The following TENM2 variants were observed in gnomAD, a reference collection of about 807,000 sequenced individuals.
The protein encoded by TENM2 is teneurin-2.
Under a neutral mutation model 245.2 loss-of-function variants are expected in TENM2, and 52 were observed. The ratio of observed to expected loss-of-function variants is 0.21; its 90% CI spans 0.17 to 0.27. The LOEUF (loss-of-function observed/expected upper bound fraction) is 0.27, where lower values mean the gene tolerates loss of function less well. TENM2 is among the 10% of genes least tolerant of loss of function. The probability of loss-of-function intolerance (pLI) is 1.00; values close to 1 mark genes in which losing one functional copy is unlikely to be tolerated. For synonymous variants in TENM2, 1,363 were observed against 1,438.9 expected (o/e 0.95, Z 1.19); for missense variants, 3,046 against 3,666.8 (o/e 0.83, Z 4.37).
intron 2 of TENM2, among the ~76,000 whole-genome samples, chr5:167,431,944 T>C (rs1582028264): frequency 3.2e-5 from 3 of 92,956 alleles, no homozygotes; most frequent in Admixed American, 1.3e-4. Context: ...TATATACATA[T>C]ATATGTATAT....
At chr5:167,369,269 G>T (rs1581861355) in intron 1 of TENM2, among the ~76,000 whole-genome samples, 3 of 152,124 alleles carry the variant, frequency 2.0e-5, no homozygotes, top group Non-Finnish European at 4.4e-5. Context: ...ATGTCCAGGG[G>T]TTTTAGCTGT....
chr5:167,321,801 TGGGGGG>T (rs1343498230), intron 1 of TENM2, among the ~76,000 whole-genome samples: 1 of 7,282 alleles, frequency 1.4e-4, no homozygotes, highest in African/African-American at 5.2e-4. Context: ...TTTTTTTTTT[TGGGGGG>T]GGGGGCGGGG....
chr5:167,912,539 A>G (rs1776629582), intron 3 of TENM2, among the ~76,000 whole-genome samples: 1 of 152,166 alleles, frequency 6.6e-6, no homozygotes, highest in South Asian at 2.1e-4. Context: ...TCAATTATAC[A>G]ACGGGAGTGG....
intron 2 of TENM2, among the ~76,000 whole-genome samples, chr5:167,769,096 T>A (rs901597497): frequency 6.6e-6 from 1 of 152,252 alleles, no homozygotes; most frequent in Non-Finnish European, 1.5e-5. Flanking sequence ...CACCTCTTAA[T>A]GCTCTCAGTT....
At position 167,463,454 on chromosome 5, in the gene TENM2, A is replaced by G. The variant is rs907411399; in HGVS notation, c.502+87981A>G. On this transcript the variant is annotated intron_variant, in intron 2 of 28. Transcript: ENST00000518659. ...AAAAACAAGTTATGTCTTTTCAGCA[A>G]TTATGTGTATGTGAGTATTTTTTGA... Among the ~76,000 whole-genome samples the G allele has an allele frequency of 3.9e-5, 6 of 152,158 alleles. 1 individual carries two copies. Among genetic ancestry groups the G allele is most frequent in the Admixed American group, 2.6e-4 (4 of 15,276 alleles).
the TENM2 span, among the ~76,000 whole-genome samples, chr5:167,106,505 G>A: frequency 6.6e-6 from 1 of 152,226 alleles, no homozygotes; most frequent in Non-Finnish European, 1.5e-5. Context: ...CTAAAAAGGT[G>A]ATTTGGAATC....
intron 12 of TENM2, among the ~76,000 whole-genome samples, chr5:168,151,580 TAAGG>T (rs1756660143): frequency 6.6e-6 from 1 of 152,210 alleles, no homozygotes; most frequent in Non-Finnish European, 1.5e-5. Context: ...ATGGAGAAAC[TAAGG>T]AATTGAAGAG....
At chr5:167,792,445 C>T (rs940904692) in intron 2 of TENM2, among the ~76,000 whole-genome samples, 2 of 151,922 alleles carry the variant, frequency 1.3e-5, no homozygotes, top group Non-Finnish European at 2.9e-5. Flanking sequence ...AGCACAGGTG[C>T]GGAAAGATAT....
At chr5:167,471,128 C>T (rs1277761404) in intron 2 of TENM2, among the ~76,000 whole-genome samples, 1 of 152,176 alleles carries the variant, frequency 6.6e-6, no homozygotes, top group East Asian at 1.9e-4. Context: ...ACTTAGAAAG[C>T]AAGTAATCTA....
In TENM2 at chr5:168,193,244, C is replaced by T. The variant is rs946440880; in HGVS notation, c.2781-1932C>T. Among the ~76,000 whole-genome samples, 14 of 152,250 alleles carry T rather than the reference C, an allele frequency of 9.2e-5. No homozygotes were observed. The East Asian group carries it at 9.6e-4, about 10-fold the overall frequency. ...AAGACATAGGTTGAAGTTCAGTAAG[C>T]GTGTGAATTCCAGTACATTATCATC... On this transcript the variant is annotated intron_variant, in intron 14 of 28. Coordinates refer to ENST00000518659, the Ensembl canonical transcript of TENM2.
At chr5:168,225,662 G>T (rs1764103919) in intron 23 of TENM2, among the ~76,000 whole-genome samples, 1 of 151,742 alleles carries the variant, frequency 6.6e-6, no homozygotes, top group South Asian at 2.1e-4. Flanking sequence ...TCGGGAGGCT[G>T]AGGCAGGAGA....
At chr5:167,920,212 C>A (rs998959138) in intron 3 of TENM2, among the ~76,000 whole-genome samples, 3 of 151,752 alleles carry the variant, frequency 2.0e-5, no homozygotes, top group Non-Finnish European at 4.4e-5. Context: ...TTTGTATGGG[C>A]CAGGCGCGGT....
chr5:167,214,960 A>G, the TENM2 span, among the ~76,000 whole-genome samples: 1 of 152,074 alleles, frequency 6.6e-6, no homozygotes, highest in African/African-American at 2.4e-5. Flanking sequence ...ATTACCTACC[A>G]TCCCTTCCGA....
chr5:167,571,615 G>T (rs372299826), intron 2 of TENM2, among the ~76,000 whole-genome samples: 3 of 152,054 alleles, frequency 2.0e-5, no homozygotes, highest in Non-Finnish European at 2.9e-5. Flanking sequence ...ATAAACAACA[G>T]CACTGATAGC....
chr5:167,325,869 G>A (rs956129508), intron 1 of TENM2, among the ~76,000 whole-genome samples: 2 of 152,140 alleles, frequency 1.3e-5, no homozygotes, highest in African/African-American at 4.8e-5. Flanking sequence ...CCATGAACTT[G>A]TAAATTTTTT....
At chr5:167,882,271 C>T (rs1272890980) in intron 3 of TENM2, among the ~76,000 whole-genome samples, 1 of 152,154 alleles carries the variant, frequency 6.6e-6, no homozygotes, top group East Asian at 1.9e-4. Flanking sequence ...AGACACTTCC[C>T]CTGGAGATTC....
intron 1 of TENM2, among the ~76,000 whole-genome samples, chr5:167,371,904 A>G (rs979251672): frequency 5.3e-5 from 8 of 152,090 alleles, no homozygotes; most frequent in Admixed American, 6.5e-5. Flanking sequence ...CCAGCTTCAT[A>G]TGTTAAGCCA....
intron 5 of TENM2, among the ~76,000 whole-genome samples, chr5:168,022,741 T>C (rs1786267206): frequency 6.6e-6 from 1 of 152,262 alleles, no homozygotes; most frequent in Non-Finnish European, 1.5e-5. Context: ...TGTTTCTTTT[T>C]ATTTCCCATC....
intron 2 of TENM2, among the ~76,000 whole-genome samples, chr5:167,438,848 C>A (rs1764725204): frequency 6.6e-6 from 1 of 152,036 alleles, no homozygotes; most frequent in South Asian, 2.1e-4. Flanking sequence ...GACTGGAGTG[C>A]AATGGCACGA....
Sources: allele counts gnomAD v4.1 joint callset (sites outside exome capture counted in the v4.1 genomes callset), GRCh38; gene constraint gnomAD v4.1.1; transcripts MANE v1.5; gene names NCBI Gene and HGNC (gene_info 2026-07-23, HGNC 2026-07-21).